Variants in RASGRF2 observed in about 807,000 individuals in gnomAD.
RASGRF2 encodes ras-specific guanine nucleotide-releasing factor 2.
RASGRF2 carries 76 observed loss-of-function variants against 151.0 expected under a neutral mutation model. That is an observed-to-expected ratio of 0.50 (90% CI 0.42 to 0.61). RASGRF2 has a LOEUF of 0.61. Among genes scored for constraint, RASGRF2 ranks in the 20% least tolerant of loss-of-function variants. The pLI is 0.00. For missense variants in RASGRF2, 1,148 were observed against 1,564.6 expected (o/e 0.73, Z 4.49); for synonymous variants, 504 against 566.5 (o/e 0.89, Z 1.57).
intron 2 of RASGRF2, among the ~76,000 whole-genome samples, chr5:81,056,109 T>G (rs1452352124): frequency 6.6e-6 from 1 of 152,196 alleles, no homozygotes; most frequent in Non-Finnish European, 1.5e-5. Context: ...TTGAAGGGTT[T>G]TTTATGTCTC....
At chr5:81,169,772 C>T (rs537857716) in intron 17 of RASGRF2, among the ~76,000 whole-genome samples, 1 of 152,156 alleles carries the variant, frequency 6.6e-6, no homozygotes, top group East Asian at 1.9e-4. Flanking sequence ...TTACCATCTA[C>T]AGCCACAGCC....
chr5:80,969,308 CT>C (rs1382212764), intron 1 of RASGRF2, among the ~76,000 whole-genome samples: 2 of 150,530 alleles, frequency 1.3e-5, no homozygotes, highest in Non-Finnish European at 3.0e-5. Flanking sequence ...CTTTTGCATT[CT>C]TTTTTTAGTA....
intron 1 of RASGRF2, among the ~76,000 whole-genome samples, chr5:80,991,064 G>T (rs1405967128): frequency 6.6e-6 from 1 of 152,136 alleles, no homozygotes; most frequent in East Asian, 1.9e-4. Context: ...TAAGTTCACT[G>T]ACAGAATATC....
At chr5:81,208,259 T>C (rs986338406) in intron 21 of RASGRF2, 95 bp from the exon 22 acceptor site, 50 of 1,067,152 alleles carry the variant, frequency 4.7e-5, no homozygotes, top group Admixed American at 1.1e-4. Context: ...CCATGTCAAA[T>C]GGAATTTTTC....
Position 81,094,987 on chromosome 5 carries a change from A to T in RASGRF2, c.1750A>T (p.Ser584Cys). 6.6e-7 allele frequency: 1 copy of T among 1,513,194 alleles called. No individual in the cohort carries two copies. Among genetic ancestry groups the T allele is most frequent in the Non-Finnish European group, 8.8e-7 (1 of 1,133,528 alleles). 93.7% of individuals were successfully genotyped at this position (1,513,194 alleles called of 1,614,324 possible). Residue 584 changes from serine to cysteine, a missense_variant, in exon 12 of 27, where the codon AGT (serine) becomes TGT (cysteine). By Grantham distance (112) the Ser-to-Cys change is moderately radical (BLOSUM62 -1). Around this residue, in one of 5 missense-constraint regions of RASGRF2, gnomAD observed 646 missense variants for 807.4 expected, o/e 0.80. Coordinates refer to ENST00000265080, the MANE Select transcript of RASGRF2 (RefSeq NM_006909.3). ...GAAAGCTGCCTGGATGAGTGACATC[A>T]GTCAGGTAAGAAAGTGGCTTTTGCC... ...QEKAAWMSDI[S>C]QCVDNIRCNG...
intron 17 of RASGRF2, among the ~76,000 whole-genome samples, chr5:81,160,428 A>G (rs994185539): frequency 6.6e-6 from 1 of 151,414 alleles, no homozygotes; most frequent in Non-Finnish European, 1.5e-5. Flanking sequence ...CAAAAAAAAT[A>G]ATAATAGCTG....
chr5:81,085,972 G>A (rs578184975), intron 8 of RASGRF2, 61 bp downstream of exon 8: 1 of 1,608,706 alleles, frequency 6.2e-7, no homozygotes, highest in Admixed American at 1.7e-5. Flanking sequence ...GTCTCTTGTG[G>A]AAACCTCCTG....
intron 2 of RASGRF2, among the ~76,000 whole-genome samples, chr5:81,058,573 C>G (rs111521731): frequency 6.6e-6 from 1 of 151,838 alleles, no homozygotes; most frequent in Non-Finnish European, 1.5e-5. Flanking sequence ...AATGGCATGA[C>G]CTGAAAATTA....
chr5:81,103,589 T>G (rs557072866), intron 12 of RASGRF2, among the ~76,000 whole-genome samples: 1 of 152,102 alleles, frequency 6.6e-6, no homozygotes, highest in African/African-American at 2.4e-5. Flanking sequence ...ATATGAATCC[T>G]CATACTGAAG....
intron 18 of RASGRF2, among the ~76,000 whole-genome samples, chr5:81,189,490 T>G (rs1489737678): frequency 1.3e-5 from 2 of 151,566 alleles, no homozygotes; most frequent in African/African-American, 4.9e-5. Context: ...CTGTGTGTGT[T>G]TCTTTTTTTT....
chr5:81,225,053 C>G (rs1390368665), intron 26 of RASGRF2, among the ~76,000 whole-genome samples: 1 of 152,188 alleles, frequency 6.6e-6, no homozygotes, highest in Non-Finnish European at 1.5e-5. Context: ...GAAAATCCCC[C>G]ATGCCCCAAC....
At chr5:81,218,120 G>C (rs1755783265) in intron 25 of RASGRF2, among the ~76,000 whole-genome samples, 1 of 152,106 alleles carries the variant, frequency 6.6e-6, no homozygotes, top group South Asian at 2.1e-4. Context: ...CTGACCTCAA[G>C]TGATCTGCCT....
chr5:81,129,997 G>A (rs1753572569), intron 17 of RASGRF2, among the ~76,000 whole-genome samples: 2 of 152,178 alleles, frequency 1.3e-5, no homozygotes, highest in African/African-American at 2.4e-5. Context: ...TTTCTGACTA[G>A]CTTTCCCAGG....
chr5:81,141,577 A>G (rs1753886362), intron 17 of RASGRF2, among the ~76,000 whole-genome samples: 1 of 152,202 alleles, frequency 6.6e-6, no homozygotes, highest in African/African-American at 2.4e-5. Context: ...AATCCATATT[A>G]ACTTCAAAAA....
intron 9 of RASGRF2, among the ~76,000 whole-genome samples, chr5:81,089,267 TTATCTC>T (rs1480199662): frequency 1.3e-5 from 2 of 152,206 alleles, no homozygotes; most frequent in Admixed American, 1.3e-4. Context: ...GGTCTACAAT[TTATCTC>T]TAAAGGTGTA....
chr5:81,099,310 C>T (rs1406676238), intron 12 of RASGRF2, among the ~76,000 whole-genome samples: 1 of 152,166 alleles, frequency 6.6e-6, no homozygotes. Flanking sequence ...ATCTATTATT[C>T]AGCTGCATTA....
intron 8 of RASGRF2, 107 bp downstream of exon 8, chr5:81,086,018 A>G: frequency 6.7e-7 from 1 of 1,495,666 alleles, no homozygotes; most frequent in Non-Finnish European, 9.0e-7. Flanking sequence ...AAACAAATCC[A>G]GCTTCTCAGA....
chr5:80,979,100 AG>A (rs1748219330), intron 1 of RASGRF2, among the ~76,000 whole-genome samples: 1 of 152,236 alleles, frequency 6.6e-6, no homozygotes, highest in Non-Finnish European at 1.5e-5. Context: ...AAAGAAATGA[AG>A]AAACAAAAAA....
chr5:81,022,738 G>C (rs987027758), intron 1 of RASGRF2, among the ~76,000 whole-genome samples: 2 of 152,132 alleles, frequency 1.3e-5, no homozygotes, highest in Non-Finnish European at 2.9e-5. Context: ...CCTGGGAGAG[G>C]GGGGCACTAG....
Sources: allele counts gnomAD v4.1 joint callset (sites outside exome capture counted in the v4.1 genomes callset), GRCh38; gene constraint gnomAD v4.1.1; regional missense constraint gnomAD v4.1.1; transcripts MANE v1.5; gene names NCBI Gene and HGNC (gene_info 2026-07-23, HGNC 2026-07-21).